The following FBLN7 variants were observed in gnomAD, a reference collection of about 807,000 sequenced individuals.
FBLN7 encodes fibulin-7.
In FBLN7, 31 loss-of-function variants were observed where a neutral mutation model predicts 44.0. The observed-to-expected ratio is 0.70, with a 90% CI of 0.53 to 0.95. The LOEUF is 0.95. Ranked by LOEUF, FBLN7 falls within the 40% of genes least tolerant of loss-of-function variation. The pLI, the probability that FBLN7 is intolerant of heterozygous loss-of-function variation, is 0.00. For synonymous variants in FBLN7, 262 were observed against 253.4 expected (o/e 1.03, Z -0.32); for missense variants, 573 against 618.5 (o/e 0.93, Z 0.78).
chr2:112,233,379 A>G, the FBLN7 span: 79 of 1,535,520 alleles, frequency 5.1e-5, no homozygotes, highest in Non-Finnish European at 6.7e-5. Flanking sequence ...TCCCTAGGCC[A>G]AAAGAAGGAG....
At chr2:112,169,145 A>T (rs963786025) in intron 3 of FBLN7, among the ~76,000 whole-genome samples, 2 of 152,092 alleles carry the variant, frequency 1.3e-5, no homozygotes, top group African/African-American at 4.8e-5. Flanking sequence ...GGTGGTGGGC[A>T]CCTGTAATCC....
chr2:112,160,773 GACGCACACGC>G lies in FBLN7; in HGVS notation c.235+951_235+960del, dbSNP rs1459225380. 3.5e-3 allele frequency among the ~76,000 whole-genome samples: 77 copies of G among 22,100 alleles called. 1 individual carries two copies. The South Asian group carries it at 0.042, about 12-fold the overall frequency. The allele number at this position is 22,100 out of a possible 152,430, so 14.5% of individuals were successfully genotyped here. A position where few individuals can be genotyped will look rare whatever the true frequency, so the allele number is the denominator to read the frequency against. On this transcript the variant is annotated intron_variant, in intron 2 of 7. Coordinates refer to ENST00000331203, the MANE Select transcript of FBLN7 (RefSeq NM_153214.3). ...GCACGCACACACGCACGCACACGCA[GACGCACACGC>G]ACGCACACGCACACACGCACGCACA...
chr2:112,173,742 GC>G (rs1046873182), intron 3 of FBLN7, among the ~76,000 whole-genome samples: 24 of 152,228 alleles, frequency 1.6e-4, no homozygotes, highest in Non-Finnish European at 1.0e-4. Context: ...TTGACTGAAT[GC>G]CACAGCCTGG....
chr2:112,145,280 AATTG>A lies in FBLN7; in HGVS notation c.75+6555_75+6558del, dbSNP rs149785183. Among the ~76,000 whole-genome samples, 447 of 152,284 alleles carry A rather than the reference AATTG, an allele frequency of 2.9e-3. 1 individual carries two copies. Among genetic ancestry groups the A allele is most frequent in the Non-Finnish European group, 4.8e-3 (324 of 68,014 alleles). ...GTTCGAGCCTTCTGCCCATTTAAAA[AATTG>A]ATTGTTTGTTTCTTTTTCTTTCTTT... On this transcript the variant is annotated intron_variant, in intron 1 of 7. Transcript: ENST00000331203.
At chr2:112,196,931 T>C in the FBLN7 span, among the ~76,000 whole-genome samples, 1 of 152,064 alleles carries the variant, frequency 6.6e-6, no homozygotes, top group Non-Finnish European at 1.5e-5. Context: ...AAGAGGGAAC[T>C]TGTGCAGGGG....
chr2:112,163,681 C>T (rs561524174), intron 2 of FBLN7, among the ~76,000 whole-genome samples: 50 of 151,294 alleles, frequency 3.3e-4, no homozygotes, highest in African/African-American at 8.2e-4. Context: ...TCCTCTTGTA[C>T]GGGCACTTCA....
the FBLN7 span, chr2:112,234,303 C>T: frequency 3.9e-6 from 5 of 1,278,752 alleles, no homozygotes; most frequent in Non-Finnish European, 4.3e-6. Flanking sequence ...TTCTGTTGCA[C>T]AAAATTATTT....
chr2:112,190,278 C>T (rs993568831), downstream of FBLN7: 7 of 152,174 alleles, frequency 4.6e-5, no homozygotes, highest in African/African-American at 1.4e-4. Flanking sequence ...TGTTAGCCCC[C>T]GCAGATTGCA....
the FBLN7 span, among the ~76,000 whole-genome samples, chr2:112,220,447 T>C: frequency 6.6e-6 from 1 of 152,176 alleles, no homozygotes; most frequent in African/African-American, 2.4e-5. Flanking sequence ...GGTTGAAAAT[T>C]CTTTAAGAAT....
At position 112,185,331 on chromosome 2, in the gene FBLN7, G is replaced by A. The variant is rs146631334; in HGVS notation, c.939G>A (p.Thr313=). 37 of 1,613,438 alleles carry A rather than the reference G, an allele frequency of 2.3e-5. No individual in the cohort carries two copies. The highest frequency in any genetic ancestry group is 1.6e-4 in the East Asian group (7 of 44,858). ...GCGGCAATGTGAGCTACGTGAAGAC[G>A]TCTCCATTGTGAGTATCTCCAGGGG... is the stretch of plus-strand genomic sequence containing the variant. The part of the protein sequence containing the change: ...EGSGNVSYVK[T]SPFQCERNPC... The change falls in exon 7 of 8, where the codon ACG becomes ACA. Residue 313 remains threonine, a synonymous_variant. Coordinates refer to ENST00000331203, the MANE Select transcript of FBLN7 (RefSeq NM_153214.3).
the FBLN7 span, among the ~76,000 whole-genome samples, chr2:112,205,708 A>G: frequency 1.3e-5 from 2 of 152,150 alleles, no homozygotes; most frequent in Admixed American, 1.3e-4. Flanking sequence ...GTATCACACT[A>G]TCTTCATTAC....
chr2:112,200,416 C>T, the FBLN7 span, among the ~76,000 whole-genome samples: 2 of 152,124 alleles, frequency 1.3e-5, no homozygotes, highest in Non-Finnish European at 2.9e-5. Flanking sequence ...CATACTTGGC[C>T]ATTCTCCTTC....
At chr2:112,230,845 C>A in the FBLN7 span, 3 of 1,163,174 alleles carry the variant, frequency 2.6e-6, no homozygotes, top group Non-Finnish European at 3.4e-6. Flanking sequence ...AGGTTGCATG[C>A]CAACTTCTGG....
the FBLN7 span, among the ~76,000 whole-genome samples, chr2:112,207,622 T>TC: frequency 6.6e-6 from 1 of 152,230 alleles, no homozygotes; most frequent in Non-Finnish European, 1.5e-5. Flanking sequence ...GTGTTGAAGT[T>TC]ACCAAATATA....
chr2:112,244,335 C>T, the FBLN7 span, among the ~76,000 whole-genome samples: 2 of 152,086 alleles, frequency 1.3e-5, no homozygotes, highest in African/African-American at 2.4e-5. Flanking sequence ...GAAATGTTAA[C>T]AAGAACTCAA....
chr2:112,144,170 C>G (rs548519489), intron 1 of FBLN7, among the ~76,000 whole-genome samples: 124 of 152,268 alleles, frequency 8.1e-4, no homozygotes, highest in African/African-American at 2.9e-3. Flanking sequence ...AGAAATATAG[C>G]TCTCCTACGC....
chr2:112,221,340 G>T, the FBLN7 span, among the ~76,000 whole-genome samples: 19 of 151,906 alleles, frequency 1.3e-4, no homozygotes, highest in African/African-American at 4.4e-4. Context: ...AAAGTGTGTA[G>T]CTCCTCCCCA....
At chr2:112,167,690 C>T (rs1199874363) in intron 3 of FBLN7, among the ~76,000 whole-genome samples, 1 of 152,166 alleles carries the variant, frequency 6.6e-6, no homozygotes, top group Non-Finnish European at 1.5e-5. Context: ...AGTAATACTG[C>T]TGTTAACTAA....
the FBLN7 span, chr2:112,233,468 A>G: frequency 7.5e-6 from 6 of 799,844 alleles, no homozygotes; most frequent in African/African-American, 1.1e-4. Flanking sequence ...AAATGATTCC[A>G]GAAAGAACCA....
Sources: allele counts gnomAD v4.1 joint callset (sites outside exome capture counted in the v4.1 genomes callset), GRCh38; gene constraint gnomAD v4.1.1; transcripts MANE v1.5; gene names NCBI Gene and HGNC (gene_info 2026-07-23, HGNC 2026-07-21).